The following VAT1L variants were observed in gnomAD, a reference collection of about 807,000 sequenced individuals.
VAT1L encodes putative NADPH-dependent quinone oxidoreductase VAT1L.
A neutral mutation model predicts 44.1 loss-of-function variants in VAT1L; 34 were observed. The observed-to-expected ratio is 0.77, with a 90% CI of 0.59 to 1.03. The LOEUF (loss-of-function observed/expected upper bound fraction) is 1.03, where lower values mean the gene tolerates loss of function less well. Among genes scored for constraint, VAT1L ranks in the 50% least tolerant of loss-of-function variants. The probability of loss-of-function intolerance (pLI) is 0.00; values close to 1 mark genes in which losing one functional copy is unlikely to be tolerated. For missense variants in VAT1L, 615 were observed against 538.8 expected (o/e 1.14, Z -1.40); for synonymous variants, 253 against 202.2 (o/e 1.25, Z -2.13).
At chr16:77,837,146 G>A (rs924542003) in intron 3 of VAT1L, among the ~76,000 whole-genome samples, 2 of 152,186 alleles carry the variant, frequency 1.3e-5, no homozygotes, top group Admixed American at 1.3e-4. Flanking sequence ...TCTGCCTAGA[G>A]TGAGATGGAA....
At chr16:77,893,218 G>A (rs564181224) in intron 7 of VAT1L, among the ~76,000 whole-genome samples, 1 of 152,196 alleles carries the variant, frequency 6.6e-6, no homozygotes, top group South Asian at 2.1e-4. Context: ...GTCTGGCTGG[G>A]AGGCTGTGGC....
At chr16:77,919,229 G>T (rs2017585611) in intron 7 of VAT1L, among the ~76,000 whole-genome samples, 1 of 152,116 alleles carries the variant, frequency 6.6e-6, no homozygotes, top group South Asian at 2.1e-4. Context: ...GTGTCCAGGG[G>T]AAAACAGAGA....
intron 4 of VAT1L, among the ~76,000 whole-genome samples, chr16:77,867,677 G>A (rs889014590): frequency 6.6e-6 from 1 of 152,008 alleles, no homozygotes; most frequent in Non-Finnish European, 1.5e-5. Flanking sequence ...TGGCCAACAT[G>A]GTGAAACCCC....
In VAT1L at chr16:77,884,715, C is replaced by T; in HGVS notation, c.990C>T (p.Leu330=). The change falls in exon 7 of 9, where the codon CTC becomes CTT. Residue 330 remains leucine (L), a synonymous_variant. Transcript: ENST00000302536. The surrounding 1 kb of genome is among the most constrained non-coding windows in gnomAD (Gnocchi z 4.5). ...NLLFKQGRAG[L]IRGVVEKLIG... is the part of the protein sequence containing the mutation. ...TCTTCAAACAAGGCCGGGCGGGCCT[C>T]ATTCGGGGAGTGGTGGAAAAACTCA... The T allele has an allele frequency of 1.2e-6, 2 of 1,609,376 alleles. No homozygotes were observed. The highest frequency in any genetic ancestry group is 1.7e-6 in the Non-Finnish European group (2 of 1,177,896).
intron 3 of VAT1L, among the ~76,000 whole-genome samples, chr16:77,828,971 T>A (rs1270333151): frequency 6.6e-6 from 1 of 152,228 alleles, no homozygotes; most frequent in South Asian, 2.1e-4. Context: ...TTGCCACTTA[T>A]GGGAAACCGA....
rs1041538026 is a variant in VAT1L at position 77,788,605 on chromosome 16, C to G, written c.-78C>G. On this transcript the variant is annotated 5_prime_UTR_variant, in exon 1 of 9. Coordinates refer to ENST00000302536, the MANE Select transcript of VAT1L (RefSeq NM_020927.3). ...TCCCACATTCAACAGGAGGAACCCGCGGGAGAGGAGCCCCACTCCCCCAGC... is the reference window on the plus strand; with the variant it reads ...TCCCACATTCAACAGGAGGAACCCGGGGGAGAGGAGCCCCACTCCCCCAGC... 1.9e-5 allele frequency: 28 copies of G among 1,477,480 alleles called. No individual in the cohort carries two copies. The highest frequency in any genetic ancestry group is 2.6e-5 in the Non-Finnish European group (28 of 1,091,558). 91.5% of individuals were successfully genotyped at this position (1,477,480 alleles called of 1,614,324 possible).
intron 7 of VAT1L, among the ~76,000 whole-genome samples, chr16:77,946,279 C>CTTTTTTTTTTTTCTTTTTTTT (rs2017964131): frequency 1.4e-5 from 1 of 70,428 alleles, no homozygotes; most frequent in Non-Finnish European, 2.5e-5. Context: ...GTTACTTGTT[C>CTTTTTTTTTTTTCTTTTTTTT]TTTTTTTTTT....
At chr16:77,843,896 C>G (rs1434987489) in intron 3 of VAT1L, among the ~76,000 whole-genome samples, 2 of 152,212 alleles carry the variant, frequency 1.3e-5, no homozygotes, top group African/African-American at 4.8e-5. Flanking sequence ...ACCAACCTGC[C>G]TCTGCCTTCC....
intron 7 of VAT1L, among the ~76,000 whole-genome samples, chr16:77,910,040 G>C (rs556904501): frequency 1.3e-5 from 2 of 152,178 alleles, no homozygotes; most frequent in African/African-American, 4.8e-5. Flanking sequence ...TTTCTCTTTA[G>C]AAAACAAGAA....
chr16:77,975,231 A>G (rs2018325191), intron 8 of VAT1L, among the ~76,000 whole-genome samples: 2 of 62,462 alleles, frequency 3.2e-5, no homozygotes, highest in South Asian at 8.8e-4. Flanking sequence ...TTTTTTTTAA[A>G]GACAGTCTCA....
At chr16:77,890,011 C>T (rs529629894) in intron 7 of VAT1L, among the ~76,000 whole-genome samples, 10 of 152,198 alleles carry the variant, frequency 6.6e-5, no homozygotes, top group Admixed American at 3.9e-4. Context: ...CGCTTGAACC[C>T]GGGAGGTGGA....
intron 7 of VAT1L, among the ~76,000 whole-genome samples, chr16:77,969,781 T>C (rs1475987460): frequency 2.0e-5 from 3 of 152,044 alleles, no homozygotes; most frequent in Admixed American, 6.5e-5. Flanking sequence ...CTACAATATA[T>C]GAAGATTCCC....
In VAT1L at chr16:77,889,116, G is replaced by A. The variant is rs533173882; in HGVS notation, c.1077+4314G>A. Among the ~76,000 whole-genome samples the A allele has an allele frequency of 1.7e-3, 260 of 152,210 alleles. 1 individual carries two copies. Among genetic ancestry groups the A allele is most frequent in the South Asian group, 7.9e-3 (38 of 4,814 alleles). On this transcript the variant is annotated intron_variant, in intron 7 of 8. Coordinates refer to ENST00000302536, the MANE Select transcript of VAT1L (RefSeq NM_020927.3). The stretch of plus-strand genomic sequence containing the variant: ...GGACTGTAATGATTTTTCCCCTCCC[G>A]TTTGGTAAATGATTGCACAAAATTG...
chr16:77,834,070 A>T (rs2016612755), intron 3 of VAT1L, among the ~76,000 whole-genome samples: 1 of 152,168 alleles, frequency 6.6e-6, no homozygotes, highest in Non-Finnish European at 1.5e-5. Flanking sequence ...TTCTCCACAC[A>T]TACCAATCTG....
rs573713581 is a variant in VAT1L, at chr16:77,951,438, C to G, written c.1078-20412C>G. 2.3e-3 allele frequency among the ~76,000 whole-genome samples: 346 copies of G among 152,092 alleles called. 2 individuals are homozygous for G. Among genetic ancestry groups the G allele is most frequent in the African/African-American group, 8.1e-3 (337 of 41,494 alleles). On this transcript the variant is annotated intron_variant, in intron 7 of 8. Coordinates refer to ENST00000302536, the MANE Select transcript of VAT1L (RefSeq NM_020927.3). Reference sequence around the variant, plus strand: ...GCGGGAGCCTGTAATCCCAGCTACTCGGGAGGCTGAAGCAGGAGAATCGCT... The same window carrying G: ...GCGGGAGCCTGTAATCCCAGCTACTGGGGAGGCTGAAGCAGGAGAATCGCT...
intron 2 of VAT1L, among the ~76,000 whole-genome samples, chr16:77,822,806 G>A (rs1332426878): frequency 6.6e-6 from 1 of 152,134 alleles, no homozygotes; most frequent in Non-Finnish European, 1.5e-5. Context: ...TCTTGTTGCT[G>A]TCACGAGAGC....
intron 7 of VAT1L, among the ~76,000 whole-genome samples, chr16:77,945,646 G>A (rs149372496): frequency 6.6e-6 from 1 of 152,016 alleles, no homozygotes. Flanking sequence ...ATATTCAACA[G>A]AGACATTTAA....
chr16:77,966,311 T>A (rs2018221615), intron 7 of VAT1L, among the ~76,000 whole-genome samples: 1 of 151,922 alleles, frequency 6.6e-6, no homozygotes, highest in African/African-American at 2.4e-5. Flanking sequence ...CCAACTGAGG[T>A]GTGAAGGGGT....
chr16:77,862,554 T>TGCA (rs2142442753), intron 3 of VAT1L, among the ~76,000 whole-genome samples, 194 bp from the exon 4 acceptor site: 1 of 148,558 alleles, frequency 6.7e-6, no homozygotes, highest in African/African-American at 2.5e-5. Flanking sequence ...AGGTAGAGGT[T>TGCA]GCAGTGAGCC....
Sources: allele counts gnomAD v4.1 joint callset (sites outside exome capture counted in the v4.1 genomes callset), GRCh38; gene constraint gnomAD v4.1.1; non-coding constraint Gnocchi (gnomAD v3.1); transcripts MANE v1.5; gene names NCBI Gene and HGNC (gene_info 2026-07-23, HGNC 2026-07-21).